ZNF704: variants seen among roughly 807,000 people sequenced by gnomAD.
ZNF704 encodes the protein zinc finger protein 704.
Under a neutral mutation model 44.7 loss-of-function variants are expected in ZNF704, and 10 were observed. That is an observed-to-expected ratio of 0.22 (90% CI 0.14 to 0.38). ZNF704 has a LOEUF of 0.38. Ranked by LOEUF, ZNF704 falls within the 10% of genes least tolerant of loss-of-function variation. The probability of loss-of-function intolerance (pLI) is 1.00; values close to 1 mark genes in which losing one functional copy is unlikely to be tolerated. For missense variants in ZNF704, 390 were observed against 545.5 expected (o/e 0.71, Z 2.84); for synonymous variants, 211 against 207.6 (o/e 1.02, Z -0.14).
chr8:80,643,271 G>A, intron 7 of ZNF704, 142 bp from the exon 8 acceptor site: 1 of 483,176 alleles, frequency 2.1e-6, no homozygotes, highest in Non-Finnish European at 3.5e-6. Flanking sequence ...TGTAATCTCA[G>A]AACTTTGGGA....
chr8:80,673,278 C>G (rs1036218114), intron 4 of ZNF704: 2 of 152,186 alleles, frequency 1.3e-5, no homozygotes, highest in Admixed American at 6.5e-5. Context: ...TCTGTGGATT[C>G]CAGGTTAAGA....
At chr8:80,796,817 T>C (rs1417239598) in intron 2 of ZNF704, among the ~76,000 whole-genome samples, 1 of 138,230 alleles carries the variant, frequency 7.2e-6, no homozygotes, top group Non-Finnish European at 1.5e-5. Flanking sequence ...ATGAACACTG[T>C]GAAAGAAAAG....
chr8:80,780,557 A>C (rs764367743), intron 2 of ZNF704, among the ~76,000 whole-genome samples: 34 of 152,134 alleles, frequency 2.2e-4, no homozygotes, highest in Non-Finnish European at 4.0e-4. Context: ...TATATTAAGG[A>C]TCTTGAGATG....
chr8:80,642,710 C>T (rs1311411561), intron 8 of ZNF704, among the ~76,000 whole-genome samples: 1 of 152,056 alleles, frequency 6.6e-6, no homozygotes, highest in East Asian at 1.9e-4. Context: ...TCTTGATCTG[C>T]ATTAAAAATT....
At chr8:80,771,125 A>G (rs371103053) in intron 2 of ZNF704, among the ~76,000 whole-genome samples, 15 of 152,314 alleles carry the variant, frequency 9.8e-5, no homozygotes, top group Non-Finnish European at 1.9e-4. Context: ...CTGTAGCTAT[A>G]TAAGTCTTGA....
intron 3 of ZNF704, 112 bp from the exon 4 acceptor site, chr8:80,687,570 A>C: frequency 1.4e-6 from 1 of 732,702 alleles, no homozygotes; most frequent in Non-Finnish European, 2.1e-6. Context: ...AGCCCTCTCA[A>C]TCATCTGCAA....
chr8:80,853,305 G>A (rs1443883754), intron 1 of ZNF704, among the ~76,000 whole-genome samples: 1 of 152,148 alleles, frequency 6.6e-6, no homozygotes, highest in Non-Finnish European at 1.5e-5. Flanking sequence ...GAGGTCAAGG[G>A]TGCAGTGAGC....
rs375414653 is a variant in ZNF704 at position 80,709,790 on chromosome 8, C to G, written c.222-16683G>C. The stretch of plus-strand genomic sequence containing the variant: ...ACCGTGCTAGGACCTTGGAGAGGAG[C>G]AGCCCCAGGGAGGATGGCCTCGGTG... On this transcript the variant is annotated intron_variant, in intron 2 of 8. Coordinates refer to ENST00000327835, the MANE Select transcript of ZNF704 (RefSeq NM_001033723.3). 9.9e-5 allele frequency among the ~76,000 whole-genome samples: 15 copies of G among 152,238 alleles called. 1 individual carries two copies. Among genetic ancestry groups the G allele is most frequent in the African/African-American group, 3.6e-4 (15 of 41,552 alleles).
intron 2 of ZNF704, among the ~76,000 whole-genome samples, chr8:80,773,308 G>A (rs1034246089): frequency 2.6e-5 from 4 of 152,034 alleles, no homozygotes; most frequent in African/African-American, 7.2e-5. Flanking sequence ...TTTAGTGGTC[G>A]CTTTAGATAT....
rs1817624962 is a variant in ZNF704, at chr8:80,633,849, A to C, written c.*7517T>G. The C allele has an allele frequency of 6.6e-6, 1 of 152,198 alleles. No individual in the cohort carries two copies. Among genetic ancestry groups the C allele is most frequent in the African/African-American group, 2.4e-5 (1 of 41,436 alleles). The allele number at this position is 152,198 out of a possible 1,614,324, so 9.4% of individuals were successfully genotyped here. A position where few individuals can be genotyped will look rare whatever the true frequency, so the allele number is the denominator to read the frequency against. ...CTTAGTCCATCTAAATGAAGGAAGC[A>C]ACTTCTAATTTTTTTCATGACATAA... On this transcript the variant is annotated 3_prime_UTR_variant, in exon 9 of 9. Coordinates refer to ENST00000327835, the MANE Select transcript of ZNF704 (RefSeq NM_001033723.3).
chr8:80,852,295 A>G (rs1417089509), intron 1 of ZNF704, among the ~76,000 whole-genome samples: 1 of 152,196 alleles, frequency 6.6e-6, no homozygotes, highest in Non-Finnish European at 1.5e-5. Context: ...GTGCTTCCAC[A>G]TTTTCATACT....
intron 5 of ZNF704, among the ~76,000 whole-genome samples, chr8:80,668,134 A>AT (rs1368323564): frequency 6.6e-6 from 1 of 152,228 alleles, no homozygotes; most frequent in African/African-American, 2.4e-5. Context: ...ATGTCAGAAA[A>AT]TGTTTATTAG....
At chr8:80,678,892 G>A (rs4425717) in intron 4 of ZNF704, among the ~76,000 whole-genome samples, 2,773 of 152,198 alleles carry the variant, frequency 0.018, 74 homozygotes, top group African/African-American at 0.058. Context: ...GAGAGGCACC[G>A]GCAGGCAGCT....
intron 2 of ZNF704, among the ~76,000 whole-genome samples, chr8:80,752,325 C>A (rs1327737096): frequency 6.7e-6 from 1 of 149,624 alleles, no homozygotes; most frequent in Non-Finnish European, 1.5e-5. Flanking sequence ...AAAAAAAAAA[C>A]AACACAAAGT....
intron 7 of ZNF704, among the ~76,000 whole-genome samples, chr8:80,657,229 T>C (rs1327326271): frequency 6.6e-6 from 1 of 152,196 alleles, no homozygotes; most frequent in Non-Finnish European, 1.5e-5. Context: ...TTCTTAGTTG[T>C]AGCCTTCTTG....
chr8:80,712,023 A>G (rs897985905), intron 2 of ZNF704, among the ~76,000 whole-genome samples: 1 of 152,220 alleles, frequency 6.6e-6, no homozygotes, highest in Non-Finnish European at 1.5e-5. Flanking sequence ...TGCTCCCCAC[A>G]AAGTCCACGT....
chr8:80,710,957 A>C (rs1818976570), intron 2 of ZNF704, among the ~76,000 whole-genome samples: 1 of 152,092 alleles, frequency 6.6e-6, no homozygotes, highest in South Asian at 2.1e-4. Flanking sequence ...GCAAGTAGAG[A>C]GGGTACCAGG....
chr8:80,670,731 CA>C (rs1361742156), intron 4 of ZNF704, 128 bp from the exon 5 acceptor site: 1 of 664,420 alleles, frequency 1.5e-6, no homozygotes, highest in Admixed American at 2.2e-5. Context: ...GACTATAACT[CA>C]GCACACTATT....
chr8:80,778,426 A>G (rs978619772), intron 2 of ZNF704, among the ~76,000 whole-genome samples: 1 of 152,188 alleles, frequency 6.6e-6, no homozygotes, highest in Non-Finnish European at 1.5e-5. Context: ...AATTAGTTCA[A>G]CCATTGTGGA....
Sources: gnomAD v4.1 joint callset for allele counts (sites outside exome capture counted in the v4.1 genomes callset) on GRCh38, gnomAD v4.1.1 for gene constraint, MANE v1.5 for transcripts, NCBI Gene and HGNC (gene_info 2026-07-23, HGNC 2026-07-21) for gene names.